The following EPHA10 variants were observed in gnomAD, a reference collection of about 807,000 sequenced individuals.
EPHA10 encodes ephrin type-A receptor 10.
EPHA10 carries 120 observed loss-of-function variants against 109.7 expected under a neutral mutation model. The ratio of observed to expected loss-of-function variants is 1.09; its 90% CI spans 0.94 to 1.27. The LOEUF (loss-of-function observed/expected upper bound fraction) is 1.27. Among genes scored for constraint, EPHA10 ranks in the 50% most tolerant of loss-of-function variants. The probability of loss-of-function intolerance (pLI) is 0.00; values close to 1 mark genes in which losing one functional copy is unlikely to be tolerated. For missense variants in EPHA10, 1,396 were observed against 1,411.1 expected (o/e 0.99, Z 0.17); for synonymous variants, 640 against 618.9 (o/e 1.03, Z -0.51).
At position 37,723,140 on chromosome 1, in the gene EPHA10, G is replaced by A; in HGVS notation, c.1861C>T (p.Leu621=). The change falls in exon 10 of 17, where the codon CTG becomes TTG. Residue 621 remains leucine, a synonymous_variant. Coordinates refer to ENST00000373048, the MANE Select transcript of EPHA10 (RefSeq NM_001099439.2). ...AGGTCCCCACAGCTCTGGGGGTCCAGGAATGTGCGACGTGTTGGGACTTTG... is the reference window on the plus strand; with the variant it reads ...AGGTCCCCACAGCTCTGGGGGTCCAAGAATGTGCGACGTGTTGGGACTTTG... ...HFKVPTRRTF[L]DPQSCGDLLQ... The A allele has an allele frequency of 6.2e-7, 1 of 1,614,074 alleles. No homozygotes were observed. The highest frequency in any genetic ancestry group is 2.2e-5 in the East Asian group (1 of 44,882).
chr1:37,738,521 A>T (rs932720237), intron 5 of EPHA10, among the ~76,000 whole-genome samples: 3 of 152,230 alleles, frequency 2.0e-5, no homozygotes, highest in Non-Finnish European at 4.4e-5. Flanking sequence ...AAGTGTTGGC[A>T]AGGACATGAA....
chr1:37,732,175 G>A (rs559833123), intron 6 of EPHA10, among the ~76,000 whole-genome samples: 1 of 152,334 alleles, frequency 6.6e-6, no homozygotes. Context: ...CCTACTCAGT[G>A]CCAGCTTCTG....
intron 6 of EPHA10, among the ~76,000 whole-genome samples, 156 bp from the exon 7 acceptor site, chr1:37,731,738 G>A (rs996830230): frequency 3.3e-5 from 5 of 152,170 alleles, no homozygotes; most frequent in Admixed American, 2.6e-4. Flanking sequence ...GTTTCCCAGG[G>A]ATCTTTTCCT....
chr1:37,737,729 G>C (rs1027557343), intron 5 of EPHA10, among the ~76,000 whole-genome samples: 1 of 152,152 alleles, frequency 6.6e-6, no homozygotes, highest in Admixed American at 6.5e-5. Flanking sequence ...GACACCAAAA[G>C]CACAGGCAGC....
intron 3 of EPHA10, among the ~76,000 whole-genome samples, chr1:37,755,365 TGTGA>T (rs1646385684): frequency 6.6e-6 from 1 of 151,638 alleles, no homozygotes; most frequent in Non-Finnish European, 1.5e-5. Context: ...ACCACCATCA[TGTGA>T]GTGAGTGTGT....
chr1:37,749,113 G>A (rs1037432546), intron 5 of EPHA10, among the ~76,000 whole-genome samples: 4 of 150,850 alleles, frequency 2.7e-5, no homozygotes, highest in East Asian at 2.0e-4. Context: ...TAGTAGAGAC[G>A]GGGTTTCACC....
chr1:37,734,958 A>C (rs976516153), intron 6 of EPHA10, among the ~76,000 whole-genome samples: 2 of 152,172 alleles, frequency 1.3e-5, no homozygotes, highest in African/African-American at 4.8e-5. Context: ...TGATACGTAT[A>C]AGATTCAGCC....
chr1:37,749,138 G>A (rs1208812366), intron 5 of EPHA10, among the ~76,000 whole-genome samples: 1 of 150,904 alleles, frequency 6.6e-6, no homozygotes, highest in African/African-American at 2.4e-5. Context: ...TGGCCAGGCT[G>A]GCTCAAACTC....
At position 37,754,395 on chromosome 1, in the gene EPHA10, A is replaced by C; in HGVS notation, c.851-25T>G. 1.6e-6 allele frequency: 2 copies of C among 1,284,482 alleles called. No homozygotes were observed. Among genetic ancestry groups the C allele is most frequent in the Non-Finnish European group, 2.0e-6 (2 of 1,011,622 alleles). The allele number at this position is 1,284,482 out of a possible 1,614,324, so 79.6% of individuals were successfully genotyped here. On this transcript the variant is annotated intron_variant, in intron 3 of 16. Transcript: ENST00000373048. The surrounding 1 kb of genome is among the most constrained non-coding windows in gnomAD (Gnocchi z 4.5). The stretch of plus-strand genomic sequence containing the variant: ...GCTGCAGGGCATGGCTGGTGAGAAG[A>C]GGGGGCTCCTCCAGTTTCTCCCCGC...
At chr1:37,757,407 A>G (rs1053106114) in intron 3 of EPHA10, among the ~76,000 whole-genome samples, 29 of 152,126 alleles carry the variant, frequency 1.9e-4, no homozygotes, top group African/African-American at 7.0e-4. Context: ...GTCCTCCAAC[A>G]GCTCCCCACT....
In EPHA10 at chr1:37,754,514, C is replaced by T. The variant is rs1646377044; in HGVS notation, c.851-144G>A. ...TCAGCCACTCCAGTCAGCACTGCCCCGTGGAGTGACTCCTGAACAACCCAT... is the reference window on the plus strand; with the variant it reads ...TCAGCCACTCCAGTCAGCACTGCCCTGTGGAGTGACTCCTGAACAACCCAT... On this transcript the variant is annotated intron_variant, in intron 3 of 16. Transcript: ENST00000373048. This position sits in a 1 kb window ranked among gnomAD's most constrained non-coding sequence, Gnocchi z 4.5. The T allele has an allele frequency of 1.5e-6, 1 of 686,870 alleles. No homozygotes were observed. The highest frequency in any genetic ancestry group is 1.9e-5 in the African/African-American group (1 of 53,938). 42.5% of individuals were successfully genotyped at this position (686,870 alleles called of 1,614,324 possible).
rs1298076906 is a variant in EPHA10 at position 37,765,038 on chromosome 1, A to G, written c.29T>C (p.Leu10Pro). 5 of 1,608,358 alleles carry G rather than the reference A, an allele frequency of 3.1e-6. No individual in the cohort carries two copies. The highest frequency in any genetic ancestry group is 4.2e-6 in the Non-Finnish European group (5 of 1,178,830). METCAGPHPLRLFLCRMQLC... is the reference protein window; with the variant it reads METCAGPHPPRLFLCRMQLC... The stretch of plus-strand genomic sequence containing the variant: ...CTGCATCCGGCAGAGGAAGAGGCGC[A>G]GCGGGTGTGGACCGGCGCAGGTCTC... The change falls in exon 1 of 17, where the codon CTG becomes CCG. Residue 10 changes from leucine (L) to proline (P), a missense_variant. By Grantham distance (98) the Leu-to-Pro change is moderately conservative. Transcript: ENST00000373048.
chr1:37,720,858 T>C lies in EPHA10; in HGVS notation c.2147-14A>G, dbSNP rs1197527283. The C allele has an allele frequency of 1.2e-6, 2 of 1,613,786 alleles. No individual in the cohort carries two copies. The highest frequency in any genetic ancestry group is 1.7e-6 in the Non-Finnish European group (2 of 1,179,934). ...TCAAGGTGCTTCCTGTGCCCAGGGA[T>C]GGGAACACACATGCTAAGTTGTCCA... On this transcript the variant is annotated splice_polypyrimidine_tract_variant and intron_variant, in intron 11 of 16. Transcript: ENST00000373048.
intron 10 of EPHA10, 141 bp from the exon 11 acceptor site, chr1:37,721,986 C>A: frequency 1.2e-6 from 1 of 813,892 alleles, no homozygotes; most frequent in East Asian, 3.1e-5. Flanking sequence ...CAAAAATTAA[C>A]CAGACAAGGT....
chr1:37,737,518 C>T (rs536957502), intron 5 of EPHA10, among the ~76,000 whole-genome samples: 5 of 152,308 alleles, frequency 3.3e-5, no homozygotes, highest in African/African-American at 1.2e-4. Flanking sequence ...AAAGGATAGT[C>T]TCTTCACCAA....
chr1:37,762,181 G>A, intron 2 of EPHA10, 98 bp from the exon 3 acceptor site: 1 of 1,143,072 alleles, frequency 8.7e-7, no homozygotes, highest in Admixed American at 2.6e-5. Flanking sequence ...CATGCACCAT[G>A]CACACCCCGG....
Position 37,764,134 on chromosome 1 carries a change from G to A in EPHA10, c.106+827C>T, listed in dbSNP as rs1646456060. Among the ~76,000 whole-genome samples the A allele has an allele frequency of 6.6e-6, 1 of 152,190 alleles. No homozygotes were observed. Among genetic ancestry groups the A allele is most frequent in the African/African-American group, 2.4e-5 (1 of 41,456 alleles). ...TTACCCTCTGGAGCTTAAACCAGGG[G>A]GTGGGCCACCAAGGTGAGGGCCTCT... On this transcript the variant is annotated intron_variant, in intron 1 of 16. Transcript: ENST00000373048. The surrounding 1 kb of genome is among the most constrained non-coding windows in gnomAD (Gnocchi z 5.8).
intron 6 of EPHA10, among the ~76,000 whole-genome samples, chr1:37,734,961 A>T (rs1032979334): frequency 6.6e-6 from 1 of 152,152 alleles, no homozygotes; most frequent in Admixed American, 6.6e-5. Flanking sequence ...TACGTATAAG[A>T]TTCAGCCACA....
intron 1 of EPHA10, among the ~76,000 whole-genome samples, chr1:37,763,234 T>A (rs537904827): frequency 1.3e-5 from 2 of 152,270 alleles, no homozygotes; most frequent in South Asian, 4.2e-4. Flanking sequence ...AGGGGAGAAC[T>A]CATGTCCTTA....
Sources: allele counts gnomAD v4.1 joint callset (sites outside exome capture counted in the v4.1 genomes callset), GRCh38; gene constraint gnomAD v4.1.1; non-coding constraint Gnocchi (gnomAD v3.1); transcripts MANE v1.5; gene names NCBI Gene and HGNC (gene_info 2026-07-23, HGNC 2026-07-21).